The following DENND4A variants were observed in gnomAD, a reference collection of about 807,000 sequenced individuals.
The protein encoded by DENND4A is C-myc promoter-binding protein.
A neutral mutation model predicts 199.3 loss-of-function variants in DENND4A; 70 were observed. The ratio of observed to expected loss-of-function variants is 0.35; its 90% confidence interval spans 0.29 to 0.43. The LOEUF (loss-of-function observed/expected upper bound fraction) is 0.43. DENND4A is among the 20% of genes least tolerant of loss of function. DENND4A has a pLI of 1.00. For synonymous variants in DENND4A, 686 were observed against 766.9 expected (o/e 0.89, Z 1.74); for missense variants, 1,723 against 2,255.8 (o/e 0.76, Z 4.78).
intron 1 of DENND4A, among the ~76,000 whole-genome samples, chr15:65,762,210 T>G (rs538521102): frequency 5.8e-4 from 88 of 152,262 alleles, no homozygotes; most frequent in African/African-American, 2.1e-3. Context: ...TTTCTCCATA[T>G]TGGTCAGCCT....
intron 19 of DENND4A, 93 bp from the exon 20 acceptor site, chr15:65,700,768 G>C (rs2074840519): frequency 4.6e-6 from 6 of 1,304,494 alleles, no homozygotes; most frequent in Non-Finnish European, 5.1e-6. Context: ...ATGTAATACT[G>C]AACATGAAAA....
At chr15:65,705,190 C>T (rs565861773) in intron 15 of DENND4A, among the ~76,000 whole-genome samples, 14 of 152,104 alleles carry the variant, frequency 9.2e-5, no homozygotes, top group Non-Finnish European at 1.9e-4. Context: ...CATTCATAAA[C>T]ATCTATCACA....
rs998196667 is a variant in DENND4A, at chr15:65,664,803, T to C, written c.5360-81A>G. On this transcript the variant is annotated intron_variant, in intron 30 of 32. Transcript: ENST00000443035. ...GAAATTAAGCAGCAACTGACAGATA[T>C]TAAGTTACAAAGCACTAAAAATAAA... 39 of 1,220,852 alleles carry C rather than the reference T, an allele frequency of 3.2e-5. No homozygotes were observed. In the African/African-American group the frequency reaches 3.2e-4, roughly 10 times the overall value. The allele number at this position is 1,220,852 out of a possible 1,614,324, so 75.6% of individuals were successfully genotyped here. A position where few individuals can be genotyped will look rare whatever the true frequency, so the allele number is the denominator to read the frequency against.
Position 65,667,565 on chromosome 15 carries a change from C to T in DENND4A, c.5125G>A (p.Val1709Met). ...GDHAITVADF[V>M]DHHPIVFWNL... The stretch of plus-strand genomic sequence containing the variant: ...CAAAAAACAATTGGATGATGGTCCA[C>T]AAAGTCTGCTACTGTTATTGCATGA... The change falls in exon 29 of 33, where the codon GTG (valine) becomes ATG (methionine). Residue 1709 changes from valine (V) to methionine (M), a missense_variant. Val to Met is a conservative substitution (Grantham distance 21, BLOSUM62 1). Transcript: ENST00000443035. 1 of 1,613,988 alleles carries T rather than the reference C, an allele frequency of 6.2e-7. No individual in the cohort carries two copies. The highest frequency in any genetic ancestry group is 8.5e-7 in the Non-Finnish European group (1 of 1,179,874).
chr15:65,667,914 A>C lies in DENND4A; in HGVS notation c.4986+11T>G. 3.8e-6 allele frequency: 6 copies of C among 1,590,730 alleles called. No homozygotes were observed. The highest frequency in any genetic ancestry group is 5.1e-6 in the Non-Finnish European group (6 of 1,175,088). ...CAATTTCCAAATAAAAAAATACACC[A>C]AAATACATACTGTAGCTCCTTGTAA... is the stretch of plus-strand genomic sequence containing the variant. On this transcript the variant is annotated intron_variant, in intron 28 of 32. Transcript: ENST00000443035.
chr15:65,746,078 T>G (rs1203732992), intron 4 of DENND4A, among the ~76,000 whole-genome samples: 1 of 151,200 alleles, frequency 6.6e-6, no homozygotes, highest in African/African-American at 2.4e-5. Flanking sequence ...GAGGCGGAGG[T>G]TGCGGTGTGC....
At chr15:65,771,070 A>G (rs2140880509) in intron 1 of DENND4A, 1 of 1,149,208 alleles carries the variant, frequency 8.7e-7, no homozygotes, top group African/African-American at 1.6e-5. Flanking sequence ...ATTCAGTTTA[A>G]TTTTCAGTAT....
intron 1 of DENND4A, among the ~76,000 whole-genome samples, chr15:65,776,585 G>A (rs1279818180): frequency 2.6e-5 from 4 of 152,064 alleles, no homozygotes; most frequent in Non-Finnish European, 5.9e-5. Context: ...TCTGAGAATT[G>A]TATGTCCTGT....
At chr15:65,791,591 G>A (rs1280690045) in intron 1 of DENND4A, among the ~76,000 whole-genome samples, 1 of 152,074 alleles carries the variant, frequency 6.6e-6, no homozygotes. Flanking sequence ...AGGCACCCCG[G>A]GCTCCCCCCG....
intron 1 of DENND4A, among the ~76,000 whole-genome samples, chr15:65,786,556 C>G (rs1272075369): frequency 6.6e-6 from 1 of 151,564 alleles, no homozygotes; most frequent in East Asian, 1.9e-4. Flanking sequence ...ATGATGAAAC[C>G]CAGTCTCTAA....
chr15:65,667,839 A>G, intron 28 of DENND4A, 86 bp downstream of exon 28: 1 of 1,502,252 alleles, frequency 6.7e-7, no homozygotes, highest in Non-Finnish European at 9.0e-7. Flanking sequence ...GCAATAATAA[A>G]GCTAATAAGA....
chr15:65,748,065 G>GAAAAAAAAAAAAAAAAAAAA (rs1299007692), intron 4 of DENND4A, among the ~76,000 whole-genome samples: 2 of 108,930 alleles, frequency 1.8e-5, no homozygotes, highest in African/African-American at 3.7e-5. Flanking sequence ...AAAAAAAAAG[G>GAAAAAAAAAAAAAAAAAAAA]AAAAAAAAAA....
intron 14 of DENND4A, among the ~76,000 whole-genome samples, chr15:65,710,403 T>G (rs1403499836): frequency 2.0e-5 from 3 of 152,320 alleles, no homozygotes; most frequent in East Asian, 3.9e-4. Flanking sequence ...AAACCTTGGT[T>G]ACCAATTTGG....
chr15:65,669,644 G>A (rs8036784), intron 27 of DENND4A, 135 bp downstream of exon 27: 132,031 of 738,162 alleles, frequency 0.18, 12,894 homozygotes, highest in African/African-American at 0.28. Context: ...TGTTTTAAGA[G>A]TAAGAATTTA....
chr15:65,742,391 C>T (rs928478729), intron 4 of DENND4A, among the ~76,000 whole-genome samples: 1 of 151,966 alleles, frequency 6.6e-6, no homozygotes, highest in Admixed American at 6.6e-5. Context: ...TCAAGTGATT[C>T]TCATGCCTCA....
chr15:65,704,737 C>A (rs150950192), intron 15 of DENND4A, among the ~76,000 whole-genome samples: 3,709 of 152,028 alleles, frequency 0.024, 63 homozygotes, highest in Non-Finnish European at 0.037. Context: ...ATTACAGGCA[C>A]CTGCAACCAT....
At chr15:65,781,422 C>T (rs1270101217) in intron 1 of DENND4A, among the ~76,000 whole-genome samples, 4 of 151,832 alleles carry the variant, frequency 2.6e-5, no homozygotes, top group African/African-American at 7.3e-5. Flanking sequence ...AGGAAAACTA[C>T]GAAAAAGTAA....
intron 20 of DENND4A, among the ~76,000 whole-genome samples, chr15:65,699,234 AAGAC>A (rs1238466006): frequency 6.6e-6 from 1 of 152,216 alleles, no homozygotes; most frequent in Admixed American, 6.5e-5. Flanking sequence ...GGTATAAAGT[AAGAC>A]AGACCAAAAT....
At chr15:65,746,934 A>T (rs1309033925) in intron 4 of DENND4A, among the ~76,000 whole-genome samples, 1 of 134,440 alleles carries the variant, frequency 7.4e-6, no homozygotes, top group Non-Finnish European at 1.6e-5. Context: ...TGTCTCTACT[A>T]AAAAAAAAAA....
Sources: gnomAD v4.1 joint callset for allele counts (sites outside exome capture counted in the v4.1 genomes callset) on GRCh38, gnomAD v4.1.1 for gene constraint, MANE v1.5 for transcripts, NCBI Gene and HGNC (gene_info 2026-07-23, HGNC 2026-07-21) for gene names.